Variants in SAMMSON observed in about 807,000 individuals in gnomAD.
SAMMSON encodes the protein survival associated mitochondrial melanoma specific oncogenic non-coding RNA, also known as long intergenic non-protein coding RNA 1212.
At chr3:70,034,394 G>A (rs2067077762) in intron 3 of SAMMSON, among the ~76,000 whole-genome samples, 1 of 152,086 alleles carries the variant, frequency 6.6e-6, no homozygotes, top group Non-Finnish European at 1.5e-5. Flanking sequence ...TGATTTCTTT[G>A]TGATTTTTGA....
At chr3:70,290,624 C>G (rs1702226732) in intron 6 of SAMMSON, among the ~76,000 whole-genome samples, 1 of 152,240 alleles carries the variant, frequency 6.6e-6, no homozygotes, top group Admixed American at 6.5e-5. Context: ...ATTACCTCAG[C>G]AAGCCTGGGC....
intron 4 of SAMMSON, among the ~76,000 whole-genome samples, chr3:70,141,513 C>T (rs1486729405): frequency 6.6e-6 from 1 of 152,074 alleles, no homozygotes; most frequent in East Asian, 1.9e-4. Flanking sequence ...ATGCTAATCT[C>T]TTCTGGAAAC....
chr3:70,267,570 T>TG (rs1491152256), intron 6 of SAMMSON, among the ~76,000 whole-genome samples: 2 of 36,970 alleles, frequency 5.4e-5, no homozygotes, highest in Admixed American at 3.9e-4. Flanking sequence ...GCCCGGCTAA[T>TG]TTTTTGTATT....
chr3:70,027,672 C>G (rs1262857521), intron 3 of SAMMSON, among the ~76,000 whole-genome samples: 5 of 152,294 alleles, frequency 3.3e-5, no homozygotes, highest in Admixed American at 2.0e-4. Context: ...CATTTATTCT[C>G]TTACACCAAA....
At chr3:70,144,705 A>T (rs772855180) in intron 4 of SAMMSON, among the ~76,000 whole-genome samples, 6 of 152,098 alleles carry the variant, frequency 3.9e-5, no homozygotes, top group Non-Finnish European at 8.8e-5. Context: ...GGTCTTTCCC[A>T]TGCTGTTCCT....
chr3:70,287,252 G>T (rs868737274), intron 6 of SAMMSON, among the ~76,000 whole-genome samples: 2,968 of 139,798 alleles, frequency 0.021, 67 homozygotes, highest in Middle Eastern at 0.042. Flanking sequence ...AATTTATTGA[G>T]AGTTTTTAGC....
chr3:70,407,349 A>G (rs1409177298), intron 2 of SAMMSON, among the ~76,000 whole-genome samples: 1 of 152,196 alleles, frequency 6.6e-6, no homozygotes, highest in East Asian at 1.9e-4. Flanking sequence ...CCAAAATTCC[A>G]CAGTCCAAAG....
intron 4 of SAMMSON, among the ~76,000 whole-genome samples, chr3:70,188,159 C>G (rs927545223): frequency 6.6e-6 from 1 of 152,204 alleles, no homozygotes; most frequent in Non-Finnish European, 1.5e-5. Context: ...CATCTTACAG[C>G]TCTCTTTATT....
chr3:70,408,607 T>C (rs1701194607), intron 2 of SAMMSON, among the ~76,000 whole-genome samples: 1 of 152,108 alleles, frequency 6.6e-6, no homozygotes, highest in Admixed American at 6.5e-5. Context: ...CCATCTGAGG[T>C]CACCTCAGCC....
At chr3:70,410,510 C>G (rs1467669362) in intron 2 of SAMMSON, among the ~76,000 whole-genome samples, 1 of 152,040 alleles carries the variant, frequency 6.6e-6, no homozygotes, top group Non-Finnish European at 1.5e-5. Context: ...TATAAGTTTA[C>G]TTGAGAAGGG....
At chr3:70,255,342 C>G (rs1489158723) in intron 6 of SAMMSON, among the ~76,000 whole-genome samples, 2 of 152,100 alleles carry the variant, frequency 1.3e-5, no homozygotes, top group African/African-American at 4.8e-5. Context: ...AATAAAAGGA[C>G]CAAAGAAGAG....
chr3:70,237,387 A>C (rs1017513633), intron 4 of SAMMSON, among the ~76,000 whole-genome samples: 1 of 152,186 alleles, frequency 6.6e-6, no homozygotes, highest in African/African-American at 2.4e-5. Flanking sequence ...AACCAAATAA[A>C]AAAGCCCATT....
intron 6 of SAMMSON, among the ~76,000 whole-genome samples, chr3:70,269,230 A>G (rs1701952210): frequency 6.6e-6 from 1 of 152,232 alleles, no homozygotes; most frequent in South Asian, 2.1e-4. Flanking sequence ...ATTATCAATT[A>G]TAGGCTAGGT....
chr3:70,008,766 G>A (rs1192747950), intron 1 of SAMMSON, among the ~76,000 whole-genome samples: 4 of 152,134 alleles, frequency 2.6e-5, no homozygotes, highest in African/African-American at 7.2e-5. Context: ...TATGATATTG[G>A]CTGTGGGTTT....
At chr3:70,394,776 A>G (rs1237000482), downstream of SAMMSON, among the ~76,000 whole-genome samples, 1 of 152,150 alleles carries the variant, frequency 6.6e-6, no homozygotes, top group Non-Finnish European at 1.5e-5. Flanking sequence ...AATCCTTATA[A>G]ACCCACCCAT....
At position 70,305,919 on chromosome 3, in the gene SAMMSON, T is replaced by G. The variant is rs573423798; in HGVS notation, n.739+14676T>G. On this transcript the variant is annotated intron_variant and non_coding_transcript_variant, in intron 7 of 9. Transcript: ENST00000642114. Reference sequence around the variant, plus strand: ...AAAAGGGAATTTTTGGAACCTGGATTTTTTTGGACCTCTAGGCTCTTTTCT... The same window carrying G: ...AAAAGGGAATTTTTGGAACCTGGATGTTTTTGGACCTCTAGGCTCTTTTCT... 2.0e-5 allele frequency among the ~76,000 whole-genome samples: 3 copies of G among 152,292 alleles called. No individual in the cohort carries two copies. In the East Asian group the frequency reaches 5.8e-4, roughly 29 times the overall value.
At chr3:70,343,792 T>G (rs1048788163) in intron 7 of SAMMSON, among the ~76,000 whole-genome samples, 1 of 151,960 alleles carries the variant, frequency 6.6e-6, no homozygotes, top group Non-Finnish European at 1.5e-5. Context: ...ATAAATTACT[T>G]GGAATTGTTC....
At chr3:70,419,799 C>T (rs940243483) in intron 2 of SAMMSON, among the ~76,000 whole-genome samples, 4 of 152,072 alleles carry the variant, frequency 2.6e-5, no homozygotes, top group African/African-American at 7.2e-5. Context: ...CCACCACACC[C>T]GGCTAATTTT....
At chr3:70,087,251 A>T (rs1019900993) in intron 4 of SAMMSON, among the ~76,000 whole-genome samples, 7 of 152,154 alleles carry the variant, frequency 4.6e-5, no homozygotes, top group African/African-American at 1.4e-4. Flanking sequence ...ATTGTCTTCT[A>T]TTTTGACCAA....
Sources: allele counts gnomAD v4.1 joint callset (sites outside exome capture counted in the v4.1 genomes callset), GRCh38; gene constraint gnomAD v4.1.1; transcripts MANE v1.5; gene names NCBI Gene and HGNC (gene_info 2026-07-23, HGNC 2026-07-21).